IL1R2: variants seen among roughly 807,000 people sequenced by gnomAD.
IL1R2 encodes the protein interleukin 1 receptor type 2, also known as interleukin-1 receptor type 2.
IL1R2 carries 46 observed loss-of-function variants against 39.5 expected under a neutral mutation model. The ratio of observed to expected loss-of-function variants is 1.16; its 90% CI spans 0.92 to 1.49. IL1R2 has a LOEUF of 1.49. Ranked by LOEUF, IL1R2 falls within the 40% of genes most tolerant of loss-of-function variation. The pLI is 0.00. For missense variants in IL1R2, 537 were observed against 502.0 expected (o/e 1.07, Z -0.67); for synonymous variants, 207 against 189.6 (o/e 1.09, Z -0.75).
At chr2:101,992,356 AAGACAGAGACAG>A in intron 1 of IL1R2, among the ~76,000 whole-genome samples, 1 of 126,634 alleles carries the variant, frequency 7.9e-6, no homozygotes, top group Admixed American at 7.6e-5. Context: ...GAGACAGAGA[AAGACAGAGACAG>A]AGGCAGAGAG....
At chr2:101,994,043 T>C (rs1377292481) in intron 1 of IL1R2, among the ~76,000 whole-genome samples, 2 of 152,236 alleles carry the variant, frequency 1.3e-5, no homozygotes, top group Non-Finnish European at 1.5e-5. Flanking sequence ...TATTACCACA[T>C]GCACAGACAC....
chr2:101,997,421 C>G (rs1389766798), intron 1 of IL1R2, among the ~76,000 whole-genome samples: 2 of 152,192 alleles, frequency 1.3e-5, no homozygotes, highest in Non-Finnish European at 2.9e-5. Context: ...GTTGCTGCAC[C>G]TGAAGAGCTC....
chr2:102,017,562 G>C (rs1360053960), intron 4 of IL1R2, among the ~76,000 whole-genome samples: 2 of 152,190 alleles, frequency 1.3e-5, no homozygotes, highest in Non-Finnish European at 2.9e-5. Context: ...GTAGACCGGG[G>C]TTGGAAAACC....
intron 7 of IL1R2, 141 bp downstream of exon 7, chr2:102,024,809 T>A: frequency 1.8e-6 from 2 of 1,090,344 alleles, no homozygotes; most frequent in African/African-American, 1.6e-5. Flanking sequence ...ATTTAAAAAA[T>A]TGTATTTTGC....
At chr2:102,012,840 A>G (rs1305890313) in intron 3 of IL1R2, among the ~76,000 whole-genome samples, 1 of 152,244 alleles carries the variant, frequency 6.6e-6, no homozygotes, top group Non-Finnish European at 1.5e-5. Flanking sequence ...TAGCATAGTA[A>G]GAAAACATGA....
At chr2:101,999,832 G>C (rs1675761528) in intron 1 of IL1R2, among the ~76,000 whole-genome samples, 1 of 152,168 alleles carries the variant, frequency 6.6e-6, no homozygotes, top group Non-Finnish European at 1.5e-5. Flanking sequence ...GTATGCATCT[G>C]TATGTATTTA....
Position 102,026,116 on chromosome 2 carries a change from A to G in IL1R2, c.893A>G (p.Tyr298Cys), listed in dbSNP as rs1434187355. The part of the protein sequence containing the change: ...GRVTEGPRQE[Y>C]SENNENYIEV... ...TGAATGTTTTTTTAACTCAGGGAAT[A>G]TTCAGAAAATAATGAGAACTACATT... is the stretch of plus-strand genomic sequence containing the variant. The change falls in exon 8 of 9, where the codon TAT (tyrosine) becomes TGT (cysteine). Residue 298 changes from tyrosine to cysteine, a missense_variant. Physicochemically the swap from Tyr to Cys is radical, Grantham distance 194. Transcript: ENST00000332549. 6.3e-7 allele frequency: 1 copy of G among 1,598,782 alleles called. No homozygotes were observed. The highest frequency in any genetic ancestry group is 8.5e-7 in the Non-Finnish European group (1 of 1,172,142).
chr2:102,004,473 G>T, intron 1 of IL1R2, among the ~76,000 whole-genome samples: 1 of 144,110 alleles, frequency 6.9e-6, no homozygotes. Context: ...GTTGAATGTG[G>T]TGAAACATGG....
At chr2:102,015,605 C>T (rs1007665801) in intron 3 of IL1R2, among the ~76,000 whole-genome samples, 2 of 152,136 alleles carry the variant, frequency 1.3e-5, no homozygotes, top group African/African-American at 4.8e-5. Flanking sequence ...TAACACAAAA[C>T]GTATTTTGTA....
chr2:102,013,050 C>T (rs375013338), intron 3 of IL1R2, among the ~76,000 whole-genome samples: 12 of 152,204 alleles, frequency 7.9e-5, no homozygotes, highest in African/African-American at 2.2e-4. Context: ...CATAAAAATT[C>T]CCTCTCCTTC....
At chr2:102,015,470 T>C (rs146253734) in intron 3 of IL1R2, among the ~76,000 whole-genome samples, 2 of 152,286 alleles carry the variant, frequency 1.3e-5, no homozygotes, top group Admixed American at 6.5e-5. Context: ...CCATTGTAAG[T>C]TGGAAATAGC....
chr2:102,003,977 G>C (rs1019396915), intron 1 of IL1R2, among the ~76,000 whole-genome samples: 10 of 151,128 alleles, frequency 6.6e-5, no homozygotes, highest in African/African-American at 2.4e-4. Context: ...CTAGGTCTTG[G>C]TCTCGGTCTG....
Position 101,999,340 on chromosome 2 carries a change from G to A in IL1R2, c.-62+7329G>A, listed in dbSNP as rs569521017. Among the ~76,000 whole-genome samples the A allele has an allele frequency of 5.3e-5, 8 of 152,364 alleles. No individual in the cohort carries two copies. The East Asian group carries it at 1.2e-3, about 22-fold the overall frequency. On this transcript the variant is annotated intron_variant, in intron 1 of 8. Coordinates refer to ENST00000332549, the MANE Select transcript of IL1R2 (RefSeq NM_004633.4). ...GTATGTCTGTTAACAACCAACCGCT[G>A]CTCTAATGCCAGAGCTTCCAGTTAC...
rs116056041 is a variant in IL1R2, at chr2:102,001,341, C to T, written c.-61-7174C>T. Among the ~76,000 whole-genome samples the T allele has an allele frequency of 2.8e-3, 430 of 152,298 alleles. 1 individual carries two copies. The highest frequency in any genetic ancestry group is 9.9e-3 in the African/African-American group (411 of 41,546). On this transcript the variant is annotated intron_variant, in intron 1 of 8. Coordinates refer to ENST00000332549, the MANE Select transcript of IL1R2 (RefSeq NM_004633.4). ...TGGAACCATCTGTATCAGTTTCTGC[C>T]GATTTGCTCCTCTGAGATTCAGCCC...
At position 102,009,647 on chromosome 2, in the gene IL1R2, C is replaced by T. The variant is rs553334405; in HGVS notation, c.153C>T (p.Pro51=). The T allele has an allele frequency of 1.1e-5, 17 of 1,614,134 alleles. No homozygotes were observed. The African/African-American group carries it at 1.6e-4, about 15-fold the overall frequency. ...LEGEPVALRC[P]QVPYWLWASV... ...GGGAGCCTGTAGCCCTGAGGTGCCC[C>T]CAGGTGCCCTACTGGTTGTGGGCCT... The change falls in exon 3 of 9, where the codon CCC becomes CCT. Residue 51 remains proline, a synonymous_variant. Transcript: ENST00000332549.
intron 4 of IL1R2, among the ~76,000 whole-genome samples, chr2:102,017,341 G>A (rs969098857): frequency 1.4e-5 from 2 of 147,446 alleles, no homozygotes; most frequent in Admixed American, 6.9e-5. Context: ...AGGTTGCAGT[G>A]AGCCAAGATC....
intron 1 of IL1R2, among the ~76,000 whole-genome samples, chr2:102,000,502 T>C (rs1023985198): frequency 1.3e-5 from 2 of 152,176 alleles, no homozygotes; most frequent in Non-Finnish European, 2.9e-5. Flanking sequence ...TAAATGAAGT[T>C]AAGAGGGAGG....
At chr2:102,015,655 T>C (rs1676947840) in intron 3 of IL1R2, among the ~76,000 whole-genome samples, 2 of 152,210 alleles carry the variant, frequency 1.3e-5, no homozygotes, top group African/African-American at 2.4e-5. Flanking sequence ...TTGAATACTA[T>C]ACTGAAGTAG....
chr2:101,992,734 G>C (rs1284625178), intron 1 of IL1R2, among the ~76,000 whole-genome samples: 2 of 151,940 alleles, frequency 1.3e-5, no homozygotes, highest in Non-Finnish European at 1.5e-5. Flanking sequence ...GAAAGACAGA[G>C]AGAAACACAG....
Sources: allele counts gnomAD v4.1 joint callset (sites outside exome capture counted in the v4.1 genomes callset), GRCh38; gene constraint gnomAD v4.1.1; transcripts MANE v1.5; gene names NCBI Gene and HGNC (gene_info 2026-07-23, HGNC 2026-07-21).